TNRC18: variants seen among roughly 807,000 people sequenced by gnomAD.
TNRC18 encodes the protein trinucleotide repeat-containing gene 18 protein.
TNRC18 carries 69 observed loss-of-function variants against 226.7 expected under a neutral mutation model. The observed-to-expected ratio is 0.30, with a 90% CI of 0.25 to 0.37. TNRC18 has a LOEUF of 0.37. Ranked by LOEUF, TNRC18 falls within the 10% of genes least tolerant of loss-of-function variation. The pLI, the probability that TNRC18 is intolerant of heterozygous loss-of-function variation, is 1.00. For missense variants in TNRC18, 4,754 were observed against 4,256.6 expected (o/e 1.12, Z -3.25); for synonymous variants, 2,449 against 1,927.6 (o/e 1.27, Z -7.09).
chr7:5,321,033 G>A (rs1286105173), intron 22 of TNRC18, 40 bp downstream of exon 22: 13 of 1,420,272 alleles, frequency 9.2e-6, no homozygotes, highest in South Asian at 2.5e-5. Flanking sequence ...GGGCGGGTAT[G>A]GGACACGGGG....
intron 2 of TNRC18, among the ~76,000 whole-genome samples, chr7:5,400,547 A>G (rs1210844198): frequency 3.9e-5 from 6 of 152,026 alleles, no homozygotes; most frequent in Non-Finnish European, 2.9e-5. Flanking sequence ...AGGAGGTGGA[A>G]GGTGCAGTGA....
At chr7:5,422,852 T>C (rs1167139155) in intron 1 of TNRC18, 1 of 152,192 alleles carries the variant, frequency 6.6e-6, no homozygotes, top group Non-Finnish European at 1.5e-5. Flanking sequence ...CATCCGAGGA[T>C]ACATGTCTTA....
At position 5,374,368 on chromosome 7, in the gene TNRC18, C is replaced by T. The variant is rs541983537; in HGVS notation, c.2916G>A (p.Pro972=). 185 of 1,470,730 alleles carry T rather than the reference C, an allele frequency of 1.3e-4. 1 individual carries two copies. The African/African-American group carries it at 2.0e-3, about 16-fold the overall frequency. 91.1% of individuals were successfully genotyped at this position (1,470,730 alleles called of 1,614,324 possible). The change falls in exon 10 of 30, where the codon CCG becomes CCA. Residue 972 remains proline, a synonymous_variant. Coordinates refer to ENST00000430969, the MANE Select transcript of TNRC18 (RefSeq NM_001080495.3). ...CGGCGGCCAGGCCAGGGGGCTTCCGCGGCAGCAGCCCGGGGCCGGCGGTGG... is the reference window on the plus strand; with the variant it reads ...CGGCGGCCAGGCCAGGGGGCTTCCGTGGCAGCAGCCCGGGGCCGGCGGTGG... ...GLATAGPGLL[P]RKPPGLAAGP...
At position 5,415,200 on chromosome 7, in the gene TNRC18, G is replaced by T. The variant is rs192265395; in HGVS notation, c.187+5860C>A. Among the ~76,000 whole-genome samples, 182 of 152,036 alleles carry T rather than the reference G, an allele frequency of 1.2e-3. 1 individual carries two copies. Among genetic ancestry groups the T allele is most frequent in the African/African-American group, 4.3e-3 (177 of 41,490 alleles). On this transcript the variant is annotated intron_variant, in intron 2 of 29. Transcript: ENST00000430969. ...TGCCAGCTCAGATACGCCAGGCTCT[G>T]ACTTTTGTGTTCCGTCCACCTTCAC...
intron 21 of TNRC18, among the ~76,000 whole-genome samples, chr7:5,321,757 T>C (rs1242632243): frequency 1.3e-5 from 2 of 151,778 alleles, no homozygotes; most frequent in African/African-American, 2.4e-5. Context: ...CTGCAACCTC[T>C]GCCTCCCAGG....
At chr7:5,332,254 T>A (rs184236650) in intron 19 of TNRC18, among the ~76,000 whole-genome samples, 2 of 152,054 alleles carry the variant, frequency 1.3e-5, no homozygotes, top group Non-Finnish European at 2.9e-5. Flanking sequence ...CTGGGCAACA[T>A]AGCGAGATCC....
chr7:5,376,065 G>T lies in TNRC18; in HGVS notation c.2768C>A (p.Ala923Asp), dbSNP rs1238374218. ...FLYLQQQAAQ[A>D]LELQRSAQLV... ...CTGGGCGCTCCTCTGCAGTTCCAAG[G>T]CCTGGGCCGCCTGCTGCTGCAGGTA... The change falls in exon 9 of 30, where the codon GCC becomes GAC. Residue 923 changes from alanine to aspartate, a missense_variant. Ala to Asp is a moderately radical substitution (Grantham distance 126, BLOSUM62 -2). Coordinates refer to ENST00000430969, the MANE Select transcript of TNRC18 (RefSeq NM_001080495.3). 1.3e-6 allele frequency: 2 copies of T among 1,596,406 alleles called. No individual in the cohort carries two copies. The highest frequency in any genetic ancestry group is 2.3e-5 in the East Asian group (1 of 43,998).
intron 2 of TNRC18, among the ~76,000 whole-genome samples, chr7:5,417,744 G>T (rs1394351324): frequency 6.6e-6 from 1 of 152,166 alleles, no homozygotes; most frequent in Non-Finnish European, 1.5e-5. Flanking sequence ...GGCCCTTCCA[G>T]ATTCCAGAAC....
chr7:5,402,673 G>A (rs1781188756), intron 2 of TNRC18, among the ~76,000 whole-genome samples: 1 of 152,118 alleles, frequency 6.6e-6, no homozygotes, highest in East Asian at 1.9e-4. Flanking sequence ...GGTCAACGTG[G>A]TGAAACCGCA....
At chr7:5,416,290 C>G (rs1782183951) in intron 2 of TNRC18, among the ~76,000 whole-genome samples, 1 of 151,836 alleles carries the variant, frequency 6.6e-6, no homozygotes, top group Non-Finnish European at 1.5e-5. Flanking sequence ...TGGCGGGCAC[C>G]TGTAGTCCCA....
intron 19 of TNRC18, among the ~76,000 whole-genome samples, chr7:5,329,682 CA>C (rs10628315): frequency 1.7e-4 from 8 of 45,766 alleles, no homozygotes; most frequent in South Asian, 1.3e-3. Context: ...GACTCCGTCT[CA>C]AAAAAAAAAA....
chr7:5,388,910 G>C lies in TNRC18; in HGVS notation c.914C>G (p.Ala305Gly). Residue 305 changes from alanine (A) to glycine (G), a missense_variant, in exon 5 of 30, where the codon GCC becomes GGC. Coordinates refer to ENST00000430969, the MANE Select transcript of TNRC18 (RefSeq NM_001080495.3). ...ALVAEAGRGG[A>G]KEAARQDEGA... ...CTCGTCCTGCCGGGCAGCCTCCTTG[G>C]CACCCCCGCGCCCCGCTTCGGCCAC... 1 of 1,363,624 alleles carries C rather than the reference G, an allele frequency of 7.3e-7. No individual in the cohort carries two copies. Among genetic ancestry groups the C allele is most frequent in the Non-Finnish European group, 9.5e-7 (1 of 1,054,528 alleles). 84.5% of individuals were successfully genotyped at this position (1,363,624 alleles called of 1,614,324 possible). A position where few individuals can be genotyped will look rare whatever the true frequency, so the allele number is the denominator to read the frequency against.
Position 5,388,675 on chromosome 7 carries a change from C to G in TNRC18, c.1149G>C (p.Glu383Asp), listed in dbSNP as rs1271323203. 2 of 1,267,952 alleles carry G rather than the reference C, an allele frequency of 1.6e-6. No homozygotes were observed. Among genetic ancestry groups the G allele is most frequent in the Non-Finnish European group, 2.0e-6 (2 of 1,004,348 alleles). 78.5% of individuals were successfully genotyped at this position (1,267,952 alleles called of 1,614,324 possible). A position where few individuals can be genotyped will look rare whatever the true frequency, so the allele number is the denominator to read the frequency against. ...TFVPSVEAFDERPGPIQIASQ... is the reference protein window; with the variant it reads ...TFVPSVEAFDDRPGPIQIASQ... ...ATGCGATCTGGATGGGCCCCGGGCG[C>G]TCGTCGAAGGCCTCCACGGAAGGCA... Residue 383 changes from glutamate (E) to aspartate (D), a missense_variant, in exon 5 of 30, where the codon GAG becomes GAC. Coordinates refer to ENST00000430969, the MANE Select transcript of TNRC18 (RefSeq NM_001080495.3).
At chr7:5,333,142 C>G in intron 18 of TNRC18, 93 bp from the exon 19 acceptor site, 1 of 1,396,560 alleles carries the variant, frequency 7.2e-7, no homozygotes, top group Non-Finnish European at 9.8e-7. Context: ...CCCGGCGGGA[C>G]CTCCCCGCCA....
intron 2 of TNRC18, among the ~76,000 whole-genome samples, chr7:5,415,369 C>CT (rs368389351): frequency 0.032 from 2,627 of 83,060 alleles, 78 homozygotes; most frequent in Middle Eastern, 0.047. Context: ...CTGTGTCCCT[C>CT]TTTTTTTTTT....
chr7:5,357,020 TTG>T lies in TNRC18; in HGVS notation c.5088_5089del (p.His1696GlnfsTer67). 1 of 1,552,284 alleles carries T rather than the reference TTG, an allele frequency of 6.4e-7. No individual in the cohort carries two copies. Among genetic ancestry groups the T allele is most frequent in the Non-Finnish European group, 8.7e-7 (1 of 1,147,110 alleles). ...CATCTTCCTGGTTTTGGCTGCCCTT[TTG>T]TGTTTACCTTCTCTGGAGGATTTCA... is the stretch of plus-strand genomic sequence containing the variant. On this transcript the variant is annotated frameshift_variant, in exon 16 of 30. Transcript: ENST00000430969. LOFTEE classifies it high-confidence loss of function.
In TNRC18 at chr7:5,318,873, G is replaced by A. The variant is rs73316821; in HGVS notation, c.6745+1445C>T. ...CTAAAAAATCAGGGTAGAATGAAGC[G>A]ATTACAAACATACAAGGATGTGAGA... On this transcript the variant is annotated intron_variant, in intron 24 of 29. Coordinates refer to ENST00000430969, the MANE Select transcript of TNRC18 (RefSeq NM_001080495.3). Among the ~76,000 whole-genome samples, 1,056 of 152,302 alleles carry A rather than the reference G, an allele frequency of 6.9e-3. 18 individuals are homozygous for A. Among genetic ancestry groups the A allele is most frequent in the African/African-American group, 0.024 (994 of 41,556 alleles).
At chr7:5,316,274 C>CTTTTTTTT (rs1278896095) in intron 24 of TNRC18, among the ~76,000 whole-genome samples, 101 of 86,548 alleles carry the variant, frequency 1.2e-3, no homozygotes, top group Non-Finnish European at 1.6e-3. Flanking sequence ...AGAAATGGGT[C>CTTTTTTTT]TTTTTTTTTT....
At position 5,308,107 on chromosome 7, in the gene TNRC18, C is replaced by T. The variant is rs762601200; in HGVS notation, c.8906G>A (p.Ter2969=). 9 of 1,549,382 alleles carry T rather than the reference C, an allele frequency of 5.8e-6. No homozygotes were observed. The highest frequency in any genetic ancestry group is 7.8e-6 in the Non-Finnish European group (9 of 1,146,808). The stretch of plus-strand genomic sequence containing the variant: ...GGTGGCCCGCAGGGCCCGGCGGGCT[C>T]AGCAGAGCACGGGCACGCCGTCCGT... The part of the protein sequence containing the change: ...FSTDGVPVLC[*] The change falls in exon 30 of 30, where the codon TGA becomes TAA. Residue 2969 remains the stop codon, a stop_retained_variant. Transcript: ENST00000430969.
Sources: allele counts gnomAD v4.1 joint callset (sites outside exome capture counted in the v4.1 genomes callset), GRCh38; gene constraint gnomAD v4.1.1; transcripts MANE v1.5; gene names NCBI Gene and HGNC (gene_info 2026-07-23, HGNC 2026-07-21).